TIMELESS: variants seen among roughly 807,000 people sequenced by gnomAD.
TIMELESS encodes protein timeless homolog.
In TIMELESS, 124 loss-of-function variants were observed where a neutral mutation model predicts 164.3. The ratio of observed to expected loss-of-function variants is 0.75; its 90% confidence interval spans 0.65 to 0.88. TIMELESS has a LOEUF of 0.88. Ranked by LOEUF, TIMELESS falls within the 40% of genes least tolerant of loss-of-function variation. TIMELESS has a pLI of 0.00. For missense variants in TIMELESS, 1,422 were observed against 1,491.4 expected (o/e 0.95, Z 0.77); for synonymous variants, 564 against 563.4 (o/e 1.00, Z -0.02).
At chr12:56,431,843 T>A (rs1881896491) in intron 7 of TIMELESS, among the ~76,000 whole-genome samples, 1 of 150,752 alleles carries the variant, frequency 6.6e-6, no homozygotes. Context: ...TTTGTATGTG[T>A]ATACACATAT....
At chr12:56,439,555 T>C (rs931224362) in intron 1 of TIMELESS, among the ~76,000 whole-genome samples, 1 of 152,032 alleles carries the variant, frequency 6.6e-6, no homozygotes. Context: ...ATACCACATC[T>C]GGCTAATTTT....
chr12:56,435,710 A>G (rs1592253774), intron 1 of TIMELESS, among the ~76,000 whole-genome samples: 3 of 152,374 alleles, frequency 2.0e-5, no homozygotes, highest in Admixed American at 2.0e-4. Flanking sequence ...CTGTAATCCC[A>G]GCACTTTGGG....
intron 7 of TIMELESS, among the ~76,000 whole-genome samples, chr12:56,431,945 T>C (rs1352895180): frequency 1.3e-5 from 2 of 152,048 alleles, no homozygotes; most frequent in Non-Finnish European, 2.9e-5. Context: ...CATATATATA[T>C]ACGCACATAC....
chr12:56,449,097 G>T (rs1039797003), intron 1 of TIMELESS, among the ~76,000 whole-genome samples: 3 of 152,278 alleles, frequency 2.0e-5, no homozygotes, highest in Admixed American at 2.0e-4. Context: ...GCAGCGTAGG[G>T]CTAAGCCCGC....
chr12:56,443,927 C>T (rs1197013896), intron 1 of TIMELESS, among the ~76,000 whole-genome samples: 11 of 144,258 alleles, frequency 7.6e-5, no homozygotes, highest in Non-Finnish European at 3.0e-5. Flanking sequence ...GAGACAGAGT[C>T]TTGCTCTGTC....
intron 23 of TIMELESS, 74 bp downstream of exon 23, chr12:56,421,277 C>G: frequency 9.5e-6 from 15 of 1,584,214 alleles, no homozygotes; most frequent in Non-Finnish European, 1.2e-5. Context: ...CAGGAAGAAT[C>G]CAGGTGGACT....
At chr12:56,430,025 C>T (rs1392715311) in intron 10 of TIMELESS, 80 bp downstream of exon 10, 1 of 1,450,924 alleles carries the variant, frequency 6.9e-7, no homozygotes, top group Non-Finnish European at 9.3e-7. Flanking sequence ...AGCTCCTCCC[C>T]ACTTCTTACC....
chr12:56,434,358 C>G, intron 1 of TIMELESS, 127 bp from the exon 2 acceptor site: 1 of 589,020 alleles, frequency 1.7e-6, no homozygotes, highest in Non-Finnish European at 3.0e-6. Context: ...TTGTCACAAC[C>G]AAAAGTTCTG....
At chr12:56,448,671 G>A (rs1014718694) in intron 1 of TIMELESS, among the ~76,000 whole-genome samples, 13 of 152,192 alleles carry the variant, frequency 8.5e-5, no homozygotes, top group African/African-American at 3.1e-4. Context: ...GGAGGTTGCA[G>A]TGAGCCGAGA....
chr12:56,420,777 G>C (rs1466569294), intron 25 of TIMELESS, 36 bp downstream of exon 25: 6 of 1,613,638 alleles, frequency 3.7e-6, no homozygotes, highest in Non-Finnish European at 5.1e-6. Context: ...ATAGCCTCCA[G>C]GGCTCTTCTC....
chr12:56,434,143 G>A lies in TIMELESS; in HGVS notation c.28C>T (p.Leu10Phe), dbSNP rs1718859755. Reference protein sequence around the residue: MDLHMMNCELLATCSALGYL... With the variant: MDLHMMNCEFLATCSALGYL... Reference sequence around the variant, plus strand: ...CCAAGGGCACTACATGTGGCTAGAAGTTCACAGTTCATCATGTGCAAGTCC... The same window carrying A: ...CCAAGGGCACTACATGTGGCTAGAAATTCACAGTTCATCATGTGCAAGTCC... The change falls in exon 2 of 29, where the codon CTT (leucine) becomes TTT (phenylalanine). Residue 10 changes from leucine (L) to phenylalanine (F), a missense_variant. Transcript: ENST00000553532. 6.2e-7 allele frequency: 1 copy of A among 1,614,168 alleles called. No individual in the cohort carries two copies. Among genetic ancestry groups the A allele is most frequent in the Non-Finnish European group, 8.5e-7 (1 of 1,180,028 alleles).
intron 1 of TIMELESS, among the ~76,000 whole-genome samples, chr12:56,438,999 AC>A (rs1435522785): frequency 4.6e-5 from 7 of 151,066 alleles, no homozygotes; most frequent in African/African-American, 1.7e-4. Context: ...CCCTGTCTCT[AC>A]TAAAAATACA....
chr12:56,424,745 G>A lies in TIMELESS; in HGVS notation c.1868+17C>T, dbSNP rs928386465. On this transcript the variant is annotated intron_variant, in intron 15 of 28. Transcript: ENST00000553532. ...CTTCCCCCAAAGCCCAAGAGGATGA[G>A]CAGGCAGGGTTCTTACCGAGCAGAC... 5 of 1,610,956 alleles carry A rather than the reference G, an allele frequency of 3.1e-6. No homozygotes were observed. The Admixed American group carries it at 8.4e-5, about 27-fold the overall frequency.
intron 1 of TIMELESS, among the ~76,000 whole-genome samples, chr12:56,448,055 G>T (rs1465611815): frequency 6.6e-6 from 1 of 152,168 alleles, no homozygotes; most frequent in Non-Finnish European, 1.5e-5. Context: ...GCTAACTGTG[G>T]GTGGTCAAAG....
chr12:56,434,600 G>C (rs1359542953), intron 1 of TIMELESS, among the ~76,000 whole-genome samples: 1 of 152,170 alleles, frequency 6.6e-6, no homozygotes, highest in African/African-American at 2.4e-5. Context: ...AGCCGGGCGT[G>C]GTGGCGCATG....
chr12:56,426,990 G>A (rs1351071875), intron 13 of TIMELESS, among the ~76,000 whole-genome samples: 1 of 151,748 alleles, frequency 6.6e-6, no homozygotes, highest in African/African-American at 2.4e-5. Context: ...ATAGGGTCTT[G>A]GTCTCACCCA....
Position 56,424,763 on chromosome 12 carries a change from G to T in TIMELESS, c.1867C>A (p.Arg623=), listed in dbSNP as rs780416093. 2 of 1,613,576 alleles carry T rather than the reference G, an allele frequency of 1.2e-6. No homozygotes were observed. The highest frequency in any genetic ancestry group is 1.7e-6 in the Non-Finnish European group (2 of 1,179,840). The part of the protein sequence containing the change: ...PQALTLLRSA[R]EVWPEGDVFG... ...AGGATGAGCAGGCAGGGTTCTTACC[G>T]AGCAGACCTCAGGAGAGTCAGGGCC... Residue 623 remains arginine (R), a splice_region_variant and synonymous_variant, in exon 15 of 29, where the codon CGG becomes AGG. Transcript: ENST00000553532.
At chr12:56,424,601 A>G (rs1881610266) in intron 15 of TIMELESS, among the ~76,000 whole-genome samples, 161 bp downstream of exon 15, 1 of 152,216 alleles carries the variant, frequency 6.6e-6, no homozygotes, top group South Asian at 2.1e-4. Context: ...TCAGAAACAA[A>G]AAAACCCAAC....
chr12:56,448,723 C>T (rs1414105702), intron 1 of TIMELESS, among the ~76,000 whole-genome samples: 1 of 152,004 alleles, frequency 6.6e-6, no homozygotes, highest in Non-Finnish European at 1.5e-5. Context: ...AACGAGACTC[C>T]GTCTCAAAAT....
Sources: allele counts gnomAD v4.1 joint callset (sites outside exome capture counted in the v4.1 genomes callset), GRCh38; gene constraint gnomAD v4.1.1; transcripts MANE v1.5; gene names NCBI Gene and HGNC (gene_info 2026-07-23, HGNC 2026-07-21).